Variants in ACSS3 observed in about 807,000 individuals in gnomAD.
ACSS3 encodes acyl-CoA synthetase short-chain family member 3, mitochondrial.
Under a neutral mutation model 84.2 loss-of-function variants are expected in ACSS3, and 64 were observed. The ratio of observed to expected loss-of-function variants is 0.76; its 90% CI spans 0.62 to 0.94. ACSS3 has a LOEUF of 0.94. Among genes scored for constraint, ACSS3 ranks in the 40% least tolerant of loss-of-function variants. The probability of loss-of-function intolerance (pLI) is 0.00; values close to 1 mark genes in which losing one functional copy is unlikely to be tolerated. For missense variants in ACSS3, 815 were observed against 867.6 expected (o/e 0.94, Z 0.76); for synonymous variants, 317 against 310.1 (o/e 1.02, Z -0.23).
intron 13 of ACSS3, among the ~76,000 whole-genome samples, chr12:81,248,486 T>C (rs760426838): frequency 6.6e-6 from 1 of 151,974 alleles, no homozygotes; most frequent in Non-Finnish European, 1.5e-5. Flanking sequence ...CATTCATATA[T>C]GGGATCTGGG....
intron 1 of ACSS3, among the ~76,000 whole-genome samples, chr12:81,088,481 G>T: frequency 6.6e-6 from 1 of 152,128 alleles, no homozygotes. Flanking sequence ...AAAAACAGCT[G>T]TTATGAAAAC....
intron 3 of ACSS3, among the ~76,000 whole-genome samples, chr12:81,136,435 G>A (rs181681117): frequency 1.3e-3 from 200 of 152,150 alleles, no homozygotes; most frequent in East Asian, 1.4e-3. Flanking sequence ...GCTGTGTGCC[G>A]GGTTTGGCTC....
chr12:81,253,461 A>G, intron 14 of ACSS3, 34 bp from the exon 15 acceptor site: 1 of 1,613,492 alleles, frequency 6.2e-7, no homozygotes, highest in Non-Finnish European at 8.5e-7. Flanking sequence ...AACTAAGGTT[A>G]ATTCAGTGCT....
chr12:81,178,480 A>T (rs10778799), intron 8 of ACSS3, among the ~76,000 whole-genome samples: 27,345 of 151,614 alleles, frequency 0.18, 2,807 homozygotes, highest in East Asian at 0.41. Flanking sequence ...TAAAATAAAA[A>T]AAAACATTTC....
At position 81,255,416 on chromosome 12, in the gene ACSS3, C is replaced by T. The variant is rs1466229928; in HGVS notation, c.*494C>T. 6.6e-6 allele frequency: 1 copy of T among 152,332 alleles called. No homozygotes were observed. The highest frequency in any genetic ancestry group is 1.9e-4 in the East Asian group (1 of 5,194). The allele number at this position is 152,332 out of a possible 1,614,324, so 9.4% of individuals were successfully genotyped here. Reference sequence around the variant, plus strand: ...AGATGAAATGGGAAGTTTAGGTAATCATCTAGACAGATGAAATTATTATCT... The same window carrying T: ...AGATGAAATGGGAAGTTTAGGTAATTATCTAGACAGATGAAATTATTATCT... On this transcript the variant is annotated 3_prime_UTR_variant, in exon 16 of 16. Transcript: ENST00000548058.
chr12:81,129,867 C>T (rs559318442), intron 2 of ACSS3, among the ~76,000 whole-genome samples: 1 of 148,024 alleles, frequency 6.8e-6, no homozygotes, highest in African/African-American at 2.5e-5. Context: ...TGAGTGAGAA[C>T]ATGTGGTGTT....
At chr12:81,094,180 C>CTGTGTGTGTGTGTGTGTG (rs371392868) in intron 1 of ACSS3, among the ~76,000 whole-genome samples, 1 of 132,840 alleles carries the variant, frequency 7.5e-6, no homozygotes, top group African/African-American at 2.5e-5. Context: ...CTCTGTCTCT[C>CTGTGTGTGTGTGTGTGTG]TCTCTGTGTG....
intron 2 of ACSS3, among the ~76,000 whole-genome samples, chr12:81,116,183 T>A (rs2121524649): frequency 6.6e-6 from 1 of 152,186 alleles, no homozygotes; most frequent in Middle Eastern, 3.4e-3. Flanking sequence ...TGGCTTAAAT[T>A]TTTATCAAAA....
chr12:81,093,529 G>A (rs980203188), intron 1 of ACSS3, among the ~76,000 whole-genome samples: 1 of 150,666 alleles, frequency 6.6e-6, no homozygotes, highest in African/African-American at 2.4e-5. Context: ...GTAAAAATAG[G>A]TATTACTTTA....
chr12:81,134,481 T>C (rs1052935889), intron 2 of ACSS3, among the ~76,000 whole-genome samples: 10 of 152,152 alleles, frequency 6.6e-5, no homozygotes, highest in Non-Finnish European at 2.9e-5. Context: ...TTCTGTGTCT[T>C]TCTTTTATCA....
At chr12:81,179,466 G>T (rs1357936205) in intron 8 of ACSS3, among the ~76,000 whole-genome samples, 1 of 151,852 alleles carries the variant, frequency 6.6e-6, no homozygotes, top group Non-Finnish European at 1.5e-5. Context: ...TATATAAGGA[G>T]CTTAAACAAT....
chr12:81,185,892 G>A lies in ACSS3; in HGVS notation c.1250+10953G>A, dbSNP rs533317027. On this transcript the variant is annotated intron_variant, in intron 8 of 15. Transcript: ENST00000548058. ...TGTATGAAAATGTAAAAGACCCCAA[G>A]TAGGCATAGCTATTCTGAGAAAGAA... is the stretch of plus-strand genomic sequence containing the variant. Among the ~76,000 whole-genome samples the A allele has an allele frequency of 5.3e-4, 81 of 151,740 alleles. 2 individuals are homozygous for A. The South Asian group carries it at 0.016, about 30-fold the overall frequency.
chr12:81,119,653 TTATAG>T (rs1884395627), intron 2 of ACSS3, among the ~76,000 whole-genome samples: 1 of 152,130 alleles, frequency 6.6e-6, no homozygotes, highest in African/African-American at 2.4e-5. Flanking sequence ...GCACGTCCAT[TTATAG>T]GCTGTCTATG....
intron 2 of ACSS3, among the ~76,000 whole-genome samples, chr12:81,110,182 A>G (rs1421796756): frequency 6.6e-6 from 1 of 152,220 alleles, no homozygotes; most frequent in Admixed American, 6.5e-5. Context: ...AGTAAAATCT[A>G]GATTGCTGTG....
chr12:81,164,176 G>C (rs1391053127), intron 7 of ACSS3, among the ~76,000 whole-genome samples: 1 of 152,014 alleles, frequency 6.6e-6, no homozygotes, highest in Non-Finnish European at 1.5e-5. Context: ...TATTTTTACT[G>C]TTATTTTTCT....
chr12:81,180,800 G>A (rs2030869711), intron 8 of ACSS3, among the ~76,000 whole-genome samples: 1 of 152,172 alleles, frequency 6.6e-6, no homozygotes. Flanking sequence ...ACAAGAATGA[G>A]CCACTGCGCC....
intron 8 of ACSS3, among the ~76,000 whole-genome samples, chr12:81,182,224 G>C (rs970235666): frequency 6.6e-6 from 1 of 152,152 alleles, no homozygotes; most frequent in Non-Finnish European, 1.5e-5. Context: ...AGCCTTACAG[G>C]CCAGGGGAAA....
intron 8 of ACSS3, among the ~76,000 whole-genome samples, chr12:81,191,724 G>C (rs2031578012): frequency 6.6e-6 from 1 of 151,982 alleles, no homozygotes; most frequent in African/African-American, 2.4e-5. Context: ...ATACTTTAAT[G>C]ACACATATGT....
intron 1 of ACSS3, among the ~76,000 whole-genome samples, chr12:81,097,799 C>T (rs80159820): frequency 0.1 from 15,581 of 152,168 alleles, 1,025 homozygotes; most frequent in East Asian, 0.21. Context: ...AGTTGAGACT[C>T]AGAGCCCAAC....
Sources: allele counts gnomAD v4.1 joint callset (sites outside exome capture counted in the v4.1 genomes callset), GRCh38; gene constraint gnomAD v4.1.1; transcripts MANE v1.5; gene names NCBI Gene and HGNC (gene_info 2026-07-23, HGNC 2026-07-21).